Variants in HDAC9 observed in about 807,000 individuals in gnomAD.
The protein encoded by HDAC9 is MEF-2 interacting transcription repressor (MITR) protein.
In HDAC9, 41 loss-of-function variants were observed where a neutral mutation model predicts 139.4. That is an observed-to-expected ratio of 0.29 (90% CI 0.23 to 0.38). The LOEUF (loss-of-function observed/expected upper bound fraction) is 0.38, where lower values mean the gene tolerates loss of function less well. HDAC9 is among the 10% of genes least tolerant of loss of function. HDAC9 has a pLI of 1.00. For missense variants in HDAC9, 1,147 were observed against 1,297.0 expected (o/e 0.88, Z 1.78); for synonymous variants, 517 against 476.2 (o/e 1.09, Z -1.12).
intron 2 of HDAC9, among the ~76,000 whole-genome samples, chr7:18,166,686 G>C: frequency 6.6e-6 from 1 of 152,258 alleles, no homozygotes; most frequent in South Asian, 2.1e-4. Flanking sequence ...AGGTTTTTTA[G>C]AAGCATATGG....
chr7:18,115,417 C>CA (rs1330311603), intron 1 of HDAC9, among the ~76,000 whole-genome samples: 44 of 151,858 alleles, frequency 2.9e-4, no homozygotes, highest in Non-Finnish European at 3.8e-4. Context: ...TTTTAGATGA[C>CA]AAAAAAATTG....
Position 18,793,379 on chromosome 7 carries a change from C to A in HDAC9, c.2249C>A (p.Ser750Ter). 1.3e-6 allele frequency: 2 copies of A among 1,583,584 alleles called. No homozygotes were observed. The highest frequency in any genetic ancestry group is 1.7e-6 in the Non-Finnish European group (2 of 1,164,640). ...GACACCATTTGGAATGAGCTACACT[C>A]GTCCGGTGCTGCACGCATGGCTGTT... ...DSDTIWNELH[S>*]SGAARMAVGC... Residue 750 changes from serine (S) to a stop codon, truncating the protein, a stop_gained, in exon 17 of 26, where the codon TCG becomes TAG. Coordinates refer to ENST00000686413, the MANE Select transcript of HDAC9 (RefSeq NM_178425.4). LOFTEE classifies it high-confidence loss of function.
intron 2 of HDAC9, among the ~76,000 whole-genome samples, chr7:18,578,699 C>G (rs1826815070): frequency 6.6e-6 from 1 of 152,166 alleles, no homozygotes; most frequent in Non-Finnish European, 1.5e-5. Context: ...TCATTGCAGT[C>G]CCAGAGAAAA....
chr7:18,607,225 A>G (rs1032260098), intron 6 of HDAC9, among the ~76,000 whole-genome samples: 2 of 152,220 alleles, frequency 1.3e-5, no homozygotes, highest in African/African-American at 4.8e-5. Context: ...TCAAATGACA[A>G]TTGTGTGATA....
At chr7:18,715,966 A>T (rs959175831) in intron 12 of HDAC9, among the ~76,000 whole-genome samples, 1 of 152,204 alleles carries the variant, frequency 6.6e-6, no homozygotes, top group Non-Finnish European at 1.5e-5. Context: ...GTTCAAGATA[A>T]ATCTATCCAA....
intron 2 of HDAC9, among the ~76,000 whole-genome samples, chr7:18,212,971 G>A (rs1792053533): frequency 6.6e-6 from 1 of 152,174 alleles, no homozygotes; most frequent in South Asian, 2.1e-4. Context: ...GAAAACGCAA[G>A]TTATATGAGC....
intron 2 of HDAC9, among the ~76,000 whole-genome samples, chr7:18,196,201 G>T (rs941739564): frequency 4.6e-5 from 7 of 152,154 alleles, no homozygotes; most frequent in Non-Finnish European, 5.9e-5. Context: ...AATAGAAGGT[G>T]TACATTTGGA....
intron 12 of HDAC9, among the ~76,000 whole-genome samples, chr7:18,716,156 G>A (rs185226748): frequency 1.3e-5 from 2 of 152,282 alleles, no homozygotes; most frequent in Non-Finnish European, 2.9e-5. Flanking sequence ...CTAGACCAGA[G>A]CTCTATTGTT....
At chr7:18,326,144 A>G (rs1309941387) in intron 1 of HDAC9, among the ~76,000 whole-genome samples, 1 of 152,080 alleles carries the variant, frequency 6.6e-6, no homozygotes, top group Non-Finnish European at 1.5e-5. Flanking sequence ...TTCATAGCAA[A>G]TTACATTTAA....
In HDAC9 at chr7:18,929,927, A is replaced by G. The variant is rs913089657; in HGVS notation, c.2804-5882A>G. ...GCACTCTAGCCCAGGTGACACAGCA[A>G]GACGCCGCCTCAAAAAAAAAAATAT... On this transcript the variant is annotated intron_variant, in intron 22 of 25. Coordinates refer to ENST00000686413, the MANE Select transcript of HDAC9 (RefSeq NM_178425.4). Among the ~76,000 whole-genome samples the G allele has an allele frequency of 5.4e-5, 8 of 147,596 alleles. No homozygotes were observed. The East Asian group carries it at 1.7e-3, about 32-fold the overall frequency.
intron 1 of HDAC9, among the ~76,000 whole-genome samples, chr7:18,376,259 A>C (rs541248062): frequency 6.6e-6 from 1 of 152,308 alleles, no homozygotes; most frequent in African/African-American, 2.4e-5. Flanking sequence ...AAAATTATCA[A>C]AATAAATTCA....
At chr7:18,776,076 A>G (rs1790742791) in intron 16 of HDAC9, among the ~76,000 whole-genome samples, 1 of 152,004 alleles carries the variant, frequency 6.6e-6, no homozygotes, top group African/African-American at 2.4e-5. Flanking sequence ...GGAGGTAGGA[A>G]TACAGGTACA....
chr7:18,387,429 C>T (rs1001961688), intron 1 of HDAC9, among the ~76,000 whole-genome samples: 3 of 152,194 alleles, frequency 2.0e-5, no homozygotes, highest in Admixed American at 6.5e-5. Context: ...AAAGCTTTCT[C>T]CAAATTGCCT....
intron 11 of HDAC9, among the ~76,000 whole-genome samples, chr7:18,655,475 C>T (rs1250631882): frequency 6.6e-6 from 1 of 152,110 alleles, no homozygotes; most frequent in Admixed American, 6.6e-5. Flanking sequence ...ATACGTAGTA[C>T]TAGGTCTCCA....
chr7:18,373,609 G>C (rs1016256386), intron 1 of HDAC9, among the ~76,000 whole-genome samples: 2 of 152,138 alleles, frequency 1.3e-5, no homozygotes, highest in Non-Finnish European at 2.9e-5. Flanking sequence ...TAATAGGTTA[G>C]AGATTCCATG....
intron 12 of HDAC9, among the ~76,000 whole-genome samples, chr7:18,694,597 C>T (rs922806940): frequency 3.3e-5 from 5 of 151,992 alleles, no homozygotes; most frequent in Non-Finnish European, 7.4e-5. Flanking sequence ...GGAGTCAGTC[C>T]TTATAATAAT....
rs145939290 is a variant in HDAC9 at position 18,973,763 on chromosome 7, G to A, written c.3023-2043G>A. On this transcript the variant is annotated intron_variant, in intron 24 of 25. Coordinates refer to ENST00000686413, the MANE Select transcript of HDAC9 (RefSeq NM_178425.4). ...TTTTCAACCTCCCAAATCTCTCTTA[G>A]TGTCTTCTCGTTTCGATTCTGTTAC... is the stretch of plus-strand genomic sequence containing the variant. Among the ~76,000 whole-genome samples the A allele has an allele frequency of 7.2e-5, 11 of 152,290 alleles. No individual in the cohort carries two copies. In the East Asian group the frequency reaches 1.9e-3, roughly 27 times the overall value.
chr7:18,471,187 A>T (rs1794695341), intron 1 of HDAC9, among the ~76,000 whole-genome samples: 1 of 152,142 alleles, frequency 6.6e-6, no homozygotes. Flanking sequence ...TATTTCTAGC[A>T]CTTGGAACTA....
intron 7 of HDAC9, among the ~76,000 whole-genome samples, chr7:18,631,031 A>G (rs55681443): frequency 1.3e-5 from 2 of 152,012 alleles, no homozygotes; most frequent in African/African-American, 2.4e-5. Context: ...ATTTATCCCA[A>G]TGTGCTTTTC....
Sources: allele counts gnomAD v4.1 joint callset (sites outside exome capture counted in the v4.1 genomes callset), GRCh38; gene constraint gnomAD v4.1.1; transcripts MANE v1.5; gene names NCBI Gene and HGNC (gene_info 2026-07-23, HGNC 2026-07-21).